PCDH9: variants seen among roughly 807,000 people sequenced by gnomAD.
PCDH9 encodes the protein protocadherin 9.
Under a neutral mutation model 70.6 loss-of-function variants are expected in PCDH9, and 24 were observed. The ratio of observed to expected loss-of-function variants is 0.34; its 90% CI spans 0.25 to 0.48. PCDH9 has a LOEUF of 0.48. Among genes scored for constraint, PCDH9 ranks in the 20% least tolerant of loss-of-function variants. The probability of loss-of-function intolerance (pLI) is 0.99; values close to 1 mark genes in which losing one functional copy is unlikely to be tolerated. For missense variants in PCDH9, 1,281 were observed against 1,503.6 expected, an observed-to-expected ratio of 0.85 and a Z score of 2.45; for synonymous variants, 562 against 558.5, an observed-to-expected ratio of 1.01 and a Z score of -0.09.
chr13:66,930,727 C>G (rs571081212), intron 2 of PCDH9, among the ~76,000 whole-genome samples: 3 of 151,928 alleles, frequency 2.0e-5, no homozygotes, highest in South Asian at 2.1e-4. Context: ...TAGCTTACAT[C>G]TAGAAAAAAA....
intron 4 of PCDH9, among the ~76,000 whole-genome samples, chr13:66,488,867 T>C (rs1384789657): frequency 6.6e-6 from 1 of 152,148 alleles, no homozygotes; most frequent in Non-Finnish European, 1.5e-5. Flanking sequence ...AAAATGCATT[T>C]CAGATGGATT....
chr13:66,804,054 TG>T (rs1314099922), intron 3 of PCDH9, among the ~76,000 whole-genome samples: 1 of 152,202 alleles, frequency 6.6e-6, no homozygotes, highest in East Asian at 1.9e-4. Flanking sequence ...GCCATTTGCC[TG>T]GTTAAAATCA....
At chr13:67,117,456 C>T (rs1296911174) in intron 2 of PCDH9, among the ~76,000 whole-genome samples, 1 of 151,926 alleles carries the variant, frequency 6.6e-6, no homozygotes, top group African/African-American at 2.4e-5. Context: ...TTGGGGGAGG[C>T]GGTTGTGATG....
chr13:66,809,532 G>A (rs1020417394), intron 3 of PCDH9, among the ~76,000 whole-genome samples: 6 of 152,008 alleles, frequency 3.9e-5, no homozygotes, highest in Non-Finnish European at 8.8e-5. Flanking sequence ...ATGGTAGCAG[G>A]GCTTTCTCTC....
intron 3 of PCDH9, among the ~76,000 whole-genome samples, chr13:66,730,872 G>GT (rs1438716892): frequency 1.7e-5 from 1 of 59,736 alleles, no homozygotes; most frequent in Non-Finnish European, 2.8e-5. Flanking sequence ...TTTTGTGTGT[G>GT]TGTGTTTTTT....
chr13:66,746,656 A>T (rs1272079921), intron 3 of PCDH9, among the ~76,000 whole-genome samples: 2 of 152,222 alleles, frequency 1.3e-5, no homozygotes, highest in East Asian at 3.8e-4. Flanking sequence ...ACAGATTTAC[A>T]GTCTTTTTCC....
At chr13:66,501,982 C>A (rs1176391713) in intron 4 of PCDH9, among the ~76,000 whole-genome samples, 3 of 152,022 alleles carry the variant, frequency 2.0e-5, no homozygotes, top group African/African-American at 7.2e-5. Flanking sequence ...GTGCATTAGG[C>A]ATCCTGAAGG....
intron 3 of PCDH9, among the ~76,000 whole-genome samples, chr13:66,757,531 T>C (rs1439526838): frequency 1.3e-5 from 2 of 152,094 alleles, no homozygotes; most frequent in Non-Finnish European, 2.9e-5. Context: ...TCATTAAAAA[T>C]TGAAAAATTC....
chr13:66,757,556 T>G (rs1566173892), intron 3 of PCDH9, among the ~76,000 whole-genome samples: 1 of 152,020 alleles, frequency 6.6e-6, no homozygotes, highest in Non-Finnish European at 1.5e-5. Context: ...AATATGTAAA[T>G]GGTAAAAAAC....
chr13:66,495,598 A>G (rs572330098), intron 4 of PCDH9, among the ~76,000 whole-genome samples: 1 of 152,152 alleles, frequency 6.6e-6, no homozygotes, highest in Admixed American at 6.6e-5. Flanking sequence ...ACATACATAC[A>G]TACCTCTGGA....
At chr13:67,117,877 C>T (rs1440550535) in intron 2 of PCDH9, among the ~76,000 whole-genome samples, 1 of 152,122 alleles carries the variant, frequency 6.6e-6, no homozygotes, top group Non-Finnish European at 1.5e-5. Context: ...AAGAACTACT[C>T]AGTGACTGTC....
intron 3 of PCDH9, among the ~76,000 whole-genome samples, chr13:66,762,965 TA>T (rs955429278): frequency 5.9e-5 from 9 of 151,546 alleles, no homozygotes; most frequent in African/African-American, 2.0e-4. Context: ...ATAATAAGAC[TA>T]TTTTTTTTTG....
In PCDH9 at chr13:67,083,816, T is replaced by C. The variant is rs180995757; in HGVS notation, c.3036+141589A>G. 3.4e-3 allele frequency among the ~76,000 whole-genome samples: 520 copies of C among 152,296 alleles called. 2 individuals are homozygous for C. The highest frequency in any genetic ancestry group is 0.031 in the Middle Eastern group (9 of 294). On this transcript the variant is annotated intron_variant, in intron 2 of 4. Transcript: ENST00000377865. ...ATGACATAATGAATTTATTAGCATGTCCTGGGAACACTCATTTTGAAATGG... is the reference window on the plus strand; with the variant it reads ...ATGACATAATGAATTTATTAGCATGCCCTGGGAACACTCATTTTGAAATGG...
intron 2 of PCDH9, chr13:67,223,518 A>G (rs534493982): frequency 1.3e-5 from 2 of 152,286 alleles, no homozygotes; most frequent in African/African-American, 4.8e-5. Flanking sequence ...GTGAGTAACC[A>G]TAACAGAAGT....
intron 2 of PCDH9, among the ~76,000 whole-genome samples, chr13:66,904,404 T>C (rs1418528284): frequency 6.6e-6 from 1 of 152,040 alleles, no homozygotes; most frequent in Non-Finnish European, 1.5e-5. Flanking sequence ...AAATCTTTTA[T>C]TAGACTCAAG....
intron 4 of PCDH9, among the ~76,000 whole-genome samples, chr13:66,393,964 G>A (rs1299396964): frequency 2.0e-5 from 3 of 152,206 alleles, no homozygotes; most frequent in Non-Finnish European, 4.4e-5. Flanking sequence ...TTTGTACAAT[G>A]CTAAGGCATT....
chr13:66,852,051 A>G (rs2081323085), intron 3 of PCDH9, among the ~76,000 whole-genome samples: 1 of 151,956 alleles, frequency 6.6e-6, no homozygotes, highest in South Asian at 2.1e-4. Context: ...CTATCAGTTC[A>G]TGGCTCTACC....
intron 3 of PCDH9, among the ~76,000 whole-genome samples, chr13:66,737,713 C>G (rs1047801777): frequency 6.6e-6 from 1 of 152,192 alleles, no homozygotes. Flanking sequence ...AGTTCCCTTT[C>G]CGAGTCAAAG....
At chr13:67,152,220 G>A (rs567819074) in intron 2 of PCDH9, among the ~76,000 whole-genome samples, 2 of 152,196 alleles carry the variant, frequency 1.3e-5, no homozygotes, top group African/African-American at 2.4e-5. Flanking sequence ...GATAGGAAAC[G>A]GAACTCTGCC....
Sources: allele counts gnomAD v4.1 joint callset (sites outside exome capture counted in the v4.1 genomes callset), GRCh38; gene constraint gnomAD v4.1.1; transcripts MANE v1.5; gene names NCBI Gene and HGNC (gene_info 2026-07-23, HGNC 2026-07-21).